CSNK1D: variants seen among roughly 807,000 people sequenced by gnomAD.
The protein encoded by CSNK1D is casein kinase 1 delta.
CSNK1D carries 16 observed loss-of-function variants against 46.6 expected under a neutral mutation model. The ratio of observed to expected loss-of-function variants is 0.34; its 90% CI spans 0.23 to 0.52. CSNK1D has a LOEUF of 0.52. Ranked by LOEUF, CSNK1D falls within the 20% of genes least tolerant of loss-of-function variation. The probability of loss-of-function intolerance (pLI) is 0.95; values close to 1 mark genes in which losing one functional copy is unlikely to be tolerated. For synonymous variants in CSNK1D, 276 were observed against 228.2 expected (o/e 1.21, Z -1.89); for missense variants, 398 against 578.4 (o/e 0.69, Z 3.20).
chr17:82,253,023 A>T lies in CSNK1D; in HGVS notation c.558T>A (p.Leu186=). ...CCATGCCCAGGGGCTCACCAATTCCAAGGTGCGTGTTGATGGAGGCGTACC... is the reference window on the plus strand; with the variant it reads ...CCATGCCCAGGGGCTCACCAATTCCTAGGTGCGTGTTGATGGAGGCGTACC... The part of the protein sequence containing the change: ...TARYASINTH[L]GIEQSRRDDL... Residue 186 remains leucine, a synonymous_variant, in exon 4 of 9, where the codon CTT becomes CTA. Coordinates refer to ENST00000314028, the MANE Select transcript of CSNK1D (RefSeq NM_001893.6). The T allele has an allele frequency of 1.2e-6, 2 of 1,613,980 alleles. No homozygotes were observed. The highest frequency in any genetic ancestry group is 2.2e-5 in the South Asian group (2 of 91,082).
chr17:82,253,387 G>T, intron 3 of CSNK1D, 143 bp from the exon 4 acceptor site: 1 of 760,536 alleles, frequency 1.3e-6, no homozygotes, highest in Non-Finnish European at 2.3e-6. Context: ...CGAGGGGGAT[G>T]CCGAACTGAC....
rs2050778717 is a variant in CSNK1D at position 82,243,551 on chromosome 17, A to G, written c.*1230T>C. The G allele has an allele frequency of 1.0e-6, 1 of 985,348 alleles. No individual in the cohort carries two copies. The allele number at this position is 985,348 out of a possible 1,614,324, so 61.0% of individuals were successfully genotyped here. A position where few individuals can be genotyped will look rare whatever the true frequency, so the allele number is the denominator to read the frequency against. On this transcript the variant is annotated 3_prime_UTR_variant, in exon 9 of 9. Coordinates refer to ENST00000314028, the MANE Select transcript of CSNK1D (RefSeq NM_001893.6). ...GCTGCTTCACTTCTGACCAACAGACACGCGCCCAACAGAAGGTCACAGCGC... is the reference window on the plus strand; with the variant it reads ...GCTGCTTCACTTCTGACCAACAGACGCGCGCCCAACAGAAGGTCACAGCGC...
At position 82,273,574 on chromosome 17, in the gene CSNK1D, G is replaced by C; in HGVS notation, c.-193C>G. On this transcript the variant is annotated 5_prime_UTR_variant, in exon 1 of 9. Coordinates refer to ENST00000314028, the MANE Select transcript of CSNK1D (RefSeq NM_001893.6). This position sits in a 1 kb window ranked among gnomAD's most constrained non-coding sequence, Gnocchi z 5.1. ...CAATACGGGGCGGATGGGACAGTCC[G>C]AGCGCCGCCGCCGCTGCTCCGGCCC... is the stretch of plus-strand genomic sequence containing the variant. The C allele has an allele frequency of 1.6e-6, 1 of 639,576 alleles. No individual in the cohort carries two copies. The highest frequency in any genetic ancestry group is 2.6e-6 in the Non-Finnish European group (1 of 383,672). The allele number at this position is 639,576 out of a possible 1,614,324, so 39.6% of individuals were successfully genotyped here.
At chr17:82,239,630 T>G, downstream of CSNK1D, 1 of 260,138 alleles carries the variant, frequency 3.8e-6, no homozygotes. Flanking sequence ...AGGCGCTGCA[T>G]GGAGGGGGCT....
In CSNK1D at chr17:82,252,322, T is replaced by C. The variant is rs1185876226; in HGVS notation, c.736+112A>G. ...CCCCGCTTTCCTGCCACCACCCCTT[T>C]GGAAGGTGAGCAACTCTTCTGACAA... On this transcript the variant is annotated intron_variant, in intron 5 of 8. Transcript: ENST00000314028. The surrounding 1 kb of genome is among the most constrained non-coding windows in gnomAD (Gnocchi z 4.6). The C allele has an allele frequency of 1.0e-5, 13 of 1,264,188 alleles. 1 individual carries two copies. The highest frequency in any genetic ancestry group is 5.0e-5 in the Admixed American group (3 of 59,470). The allele number at this position is 1,264,188 out of a possible 1,614,324, so 78.3% of individuals were successfully genotyped here.
chr17:82,272,624 G>A (rs970042836), intron 1 of CSNK1D, among the ~76,000 whole-genome samples: 1 of 152,162 alleles, frequency 6.6e-6, no homozygotes, highest in African/African-American at 2.4e-5. Context: ...ACCGCTCCAA[G>A]GCCAAGGGGA....
In CSNK1D at chr17:82,249,065, A is replaced by T; in HGVS notation, c.1058-51T>A. On this transcript the variant is annotated intron_variant, in intron 7 of 8. Coordinates refer to ENST00000314028, the MANE Select transcript of CSNK1D (RefSeq NM_001893.6). The surrounding 1 kb of genome is among the most constrained non-coding windows in gnomAD (Gnocchi z 6.7). Reference sequence around the variant, plus strand: ...GGGCCGCCCCCGTCTGCTGCCTCTCACTCGGGGCTTTCTATGAGAGGCTGT... The same window carrying T: ...GGGCCGCCCCCGTCTGCTGCCTCTCTCTCGGGGCTTTCTATGAGAGGCTGT... 6.5e-7 allele frequency: 1 copy of T among 1,539,770 alleles called. No individual in the cohort carries two copies. The highest frequency in any genetic ancestry group is 8.8e-7 in the Non-Finnish European group (1 of 1,140,648).
In CSNK1D at chr17:82,243,222, C is replaced by T. The variant is rs2050771294; in HGVS notation, c.*1559G>A. 1 of 985,606 alleles carries T rather than the reference C, an allele frequency of 1.0e-6. No homozygotes were observed. The highest frequency in any genetic ancestry group is 1.2e-6 in the Non-Finnish European group (1 of 830,074). 61.1% of individuals were successfully genotyped at this position (985,606 alleles called of 1,614,324 possible). ...GGTGAACAACTGTGTTCTGGGACGC[C>T]AGCCAGTTATGGCATCCGGGGAACT... is the stretch of plus-strand genomic sequence containing the variant. On this transcript the variant is annotated 3_prime_UTR_variant, in exon 9 of 9. Transcript: ENST00000314028.
chr17:82,262,531 C>T (rs2051365779), intron 2 of CSNK1D, among the ~76,000 whole-genome samples: 1 of 152,216 alleles, frequency 6.6e-6, no homozygotes, highest in Admixed American at 6.5e-5. Context: ...GAACCTGGCA[C>T]CACCACTTGA....
Position 82,255,829 on chromosome 17 carries a change from G to A in CSNK1D, c.188-252C>T, listed in dbSNP as rs893795620. 3.3e-5 allele frequency among the ~76,000 whole-genome samples: 5 copies of A among 152,208 alleles called. No homozygotes were observed. Among genetic ancestry groups the A allele is most frequent in the Non-Finnish European group, 5.9e-5 (4 of 68,038 alleles). ...AGGAGCTGTAAGGGGGACAAGGAGG[G>A]GATCGAAGCCCCACCTCCCCGACTC... On this transcript the variant is annotated intron_variant, in intron 2 of 8. Coordinates refer to ENST00000314028, the MANE Select transcript of CSNK1D (RefSeq NM_001893.6). This position sits in a 1 kb window ranked among gnomAD's most constrained non-coding sequence, Gnocchi z 5.9.
chr17:82,241,929 A>G (rs1018728154), downstream of CSNK1D, among the ~76,000 whole-genome samples: 2 of 152,318 alleles, frequency 1.3e-5, no homozygotes, highest in East Asian at 3.9e-4. Flanking sequence ...CCGTTCTTAG[A>G]GCAACCTCCA....
In CSNK1D at chr17:82,242,857, C is replaced by T. The variant is rs532883238; in HGVS notation, c.*1924G>A. 3.6e-5 allele frequency: 35 copies of T among 985,426 alleles called. No homozygotes were observed. In the African/African-American group the frequency reaches 5.2e-4, roughly 15 times the overall value. 61.0% of individuals were successfully genotyped at this position (985,426 alleles called of 1,614,324 possible). A position where few individuals can be genotyped will look rare whatever the true frequency, so the allele number is the denominator to read the frequency against. ...GACTGTCACAAGCACTCCGAAGACG[C>T]GACCCGGCGAGGCTCGGGCTGGAAC... On this transcript the variant is annotated 3_prime_UTR_variant, in exon 9 of 9. Transcript: ENST00000314028.
At position 82,251,359 on chromosome 17, in the gene CSNK1D, G is replaced by T; in HGVS notation, c.885+20C>A. ...CCCCCGCACACCACACTCAGCGAAC[G>T]TGCTGGCAGTGCGACTTACAAATTT... On this transcript the variant is annotated intron_variant, in intron 6 of 8. Coordinates refer to ENST00000314028, the MANE Select transcript of CSNK1D (RefSeq NM_001893.6). The surrounding 1 kb of genome is among the most constrained non-coding windows in gnomAD (Gnocchi z 4.5). 1 of 1,613,990 alleles carries T rather than the reference G, an allele frequency of 6.2e-7. No individual in the cohort carries two copies. Among genetic ancestry groups the T allele is most frequent in the Non-Finnish European group, 8.5e-7 (1 of 1,179,922 alleles).
chr17:82,270,766 T>C (rs780252008), intron 1 of CSNK1D, among the ~76,000 whole-genome samples: 57 of 150,722 alleles, frequency 3.8e-4, no homozygotes, highest in Non-Finnish European at 7.7e-4. Context: ...AAAAATCAGC[T>C]GTGCCTAACC....
Position 82,250,320 on chromosome 17 carries a change from C to A in CSNK1D, c.886-718G>T. ...CCACGTTCACCAGGCAACACACAGA[C>A]CGACACACCTGCGGCTGCAGCACCG... On this transcript the variant is annotated intron_variant, in intron 6 of 8. Transcript: ENST00000314028. The surrounding 1 kb of genome is among the most constrained non-coding windows in gnomAD (Gnocchi z 4.6). The A allele has an allele frequency of 1.5e-6, 1 of 688,748 alleles. No individual in the cohort carries two copies. Among genetic ancestry groups the A allele is most frequent in the Non-Finnish European group, 2.2e-6 (1 of 450,712 alleles). The allele number at this position is 688,748 out of a possible 1,614,324, so 42.7% of individuals were successfully genotyped here. A position where few individuals can be genotyped will look rare whatever the true frequency, so the allele number is the denominator to read the frequency against.
Position 82,255,048 on chromosome 17 carries a change from C to A in CSNK1D, c.336+381G>T. The A allele has an allele frequency of 2.7e-6, 1 of 365,452 alleles. No homozygotes were observed. Among genetic ancestry groups the A allele is most frequent in the Non-Finnish European group, 5.2e-6 (1 of 194,168 alleles). 22.6% of individuals were successfully genotyped at this position (365,452 alleles called of 1,614,324 possible). On this transcript the variant is annotated intron_variant, in intron 3 of 8. Coordinates refer to ENST00000314028, the MANE Select transcript of CSNK1D (RefSeq NM_001893.6). The surrounding 1 kb of genome is among the most constrained non-coding windows in gnomAD (Gnocchi z 5.9). ...GCTGAGCCGTCGGAGCCTCGAGAAG[C>A]CAGTGAGCTGAGCCGCCGGAGCCTC... is the stretch of plus-strand genomic sequence containing the variant.
chr17:82,242,280 T>C (rs2050751632), downstream of CSNK1D, among the ~76,000 whole-genome samples: 1 of 151,722 alleles, frequency 6.6e-6, no homozygotes, highest in Admixed American at 6.6e-5. Flanking sequence ...CTCCTGGGCT[T>C]CAACAGCTCA....
chr17:82,249,018 A>C lies in CSNK1D; in HGVS notation c.1058-4T>G. The C allele has an allele frequency of 1.3e-6, 2 of 1,555,618 alleles. No individual in the cohort carries two copies. The highest frequency in any genetic ancestry group is 2.4e-5 in the South Asian group (2 of 84,772). ...ACGGGCCGGGGGGAGGTGTTAGCTG[A>C]GGACAGGGAGAGAAACGGAGTGGGC... On this transcript the variant is annotated splice_polypyrimidine_tract_variant and splice_region_variant and intron_variant, in intron 7 of 8. Coordinates refer to ENST00000314028, the MANE Select transcript of CSNK1D (RefSeq NM_001893.6). The surrounding 1 kb of genome is among the most constrained non-coding windows in gnomAD (Gnocchi z 6.7).
chr17:82,257,680 G>A (rs2051208498), intron 2 of CSNK1D, among the ~76,000 whole-genome samples: 1 of 151,794 alleles, frequency 6.6e-6, no homozygotes, highest in Non-Finnish European at 1.5e-5. Context: ...GCACTGCTGG[G>A]AGCATAAGCA....
Sources: allele counts gnomAD v4.1 joint callset (sites outside exome capture counted in the v4.1 genomes callset), GRCh38; gene constraint gnomAD v4.1.1; non-coding constraint Gnocchi (gnomAD v3.1); transcripts MANE v1.5; gene names NCBI Gene and HGNC (gene_info 2026-07-23, HGNC 2026-07-21).